Variants in PRICKLE2 observed in about 807,000 individuals in gnomAD.
PRICKLE2 encodes the protein prickle planar cell polarity protein 2.
A neutral mutation model predicts 81.4 loss-of-function variants in PRICKLE2; 21 were observed. The observed-to-expected ratio is 0.26, with a 90% CI of 0.18 to 0.37. The LOEUF (loss-of-function observed/expected upper bound fraction) is 0.37, where lower values mean the gene tolerates loss of function less well. PRICKLE2 is among the 10% of genes least tolerant of loss of function. The probability of loss-of-function intolerance (pLI) is 1.00; values close to 1 mark genes in which losing one functional copy is unlikely to be tolerated. For missense variants in PRICKLE2, 940 were observed against 1,109.0 expected (o/e 0.85, Z 2.16); for synonymous variants, 456 against 421.5 (o/e 1.08, Z -1.00).
chr3:64,256,088 A>G (rs1399091868), intron 2 of PRICKLE2, among the ~76,000 whole-genome samples: 2 of 152,166 alleles, frequency 1.3e-5, no homozygotes, highest in African/African-American at 4.8e-5. Flanking sequence ...GGCTTGACTC[A>G]TTCATGCCAC....
At chr3:64,191,242 C>T (rs1351228983) in intron 2 of PRICKLE2, among the ~76,000 whole-genome samples, 5 of 152,226 alleles carry the variant, frequency 3.3e-5, no homozygotes, top group Non-Finnish European at 7.3e-5. Context: ...CTCCCTCTTT[C>T]CCGGAAGCCA....
intron 1 of PRICKLE2, among the ~76,000 whole-genome samples, chr3:64,207,248 A>T (rs2078703145): frequency 6.6e-6 from 1 of 152,190 alleles, no homozygotes; most frequent in Non-Finnish European, 1.5e-5. Context: ...TTTCCTCCTT[A>T]TTATACTTAT....
chr3:64,253,901 C>A (rs192227524), intron 2 of PRICKLE2, among the ~76,000 whole-genome samples: 14 of 152,264 alleles, frequency 9.2e-5, no homozygotes, highest in South Asian at 4.1e-4. Context: ...AGGTGAGGGG[C>A]CTGCTGGAGC....
At chr3:64,234,862 T>C (rs1017690516) in intron 2 of PRICKLE2, among the ~76,000 whole-genome samples, 1 of 152,182 alleles carries the variant, frequency 6.6e-6, no homozygotes, top group Non-Finnish European at 1.5e-5. Flanking sequence ...TGAATCTCTT[T>C]GAGCTTACCT....
chr3:64,170,364 G>T (rs756579517), intron 2 of PRICKLE2, among the ~76,000 whole-genome samples: 5 of 152,088 alleles, frequency 3.3e-5, no homozygotes. Context: ...GTTGGATGTC[G>T]GTTCAAAACA....
At chr3:64,103,194 T>G (rs1376805330) in intron 7 of PRICKLE2, 7 of 152,232 alleles carry the variant, frequency 4.6e-5, no homozygotes, top group African/African-American at 1.7e-4. Flanking sequence ...TGGACACATT[T>G]TTGGTTGTCA....
rs1408045427 is a variant in PRICKLE2 at position 64,093,745 on chromosome 3, T to C, written c.*5306A>G. The C allele has an allele frequency of 1.3e-5, 2 of 152,210 alleles. No homozygotes were observed. Among genetic ancestry groups the C allele is most frequent in the Non-Finnish European group, 2.9e-5 (2 of 68,040 alleles). The allele number at this position is 152,210 out of a possible 1,614,324, so 9.4% of individuals were successfully genotyped here. On this transcript the variant is annotated 3_prime_UTR_variant, in exon 8 of 8. Transcript: ENST00000638394. Reference sequence around the variant, plus strand: ...ACCCTGATTTAAACAATCAGGTTAATATTTCATAGTAAAACTCATCCCTCC... The same window carrying C: ...ACCCTGATTTAAACAATCAGGTTAACATTTCATAGTAAAACTCATCCCTCC...
At chr3:64,118,052 A>G (rs2076965510) in intron 7 of PRICKLE2, among the ~76,000 whole-genome samples, 1 of 152,128 alleles carries the variant, frequency 6.6e-6, no homozygotes, top group South Asian at 2.1e-4. Flanking sequence ...AAGGCCACAC[A>G]CCTATAGCTA....
intron 2 of PRICKLE2, among the ~76,000 whole-genome samples, chr3:64,181,288 G>C (rs750094986): frequency 6.6e-6 from 1 of 152,076 alleles, no homozygotes; most frequent in Non-Finnish European, 1.5e-5. Flanking sequence ...ACAATTGTGA[G>C]AGACAAGCAC....
At chr3:64,184,939 G>C (rs1272513942) in intron 2 of PRICKLE2, among the ~76,000 whole-genome samples, 1 of 152,180 alleles carries the variant, frequency 6.6e-6, no homozygotes, top group African/African-American at 2.4e-5. Context: ...AACACACGTA[G>C]AATTGCCAAG....
chr3:64,200,143 G>C (rs2078544699), intron 1 of PRICKLE2: 2 of 152,002 alleles, frequency 1.3e-5, no homozygotes, highest in Admixed American at 1.3e-4. Flanking sequence ...CTGCCCCCAG[G>C]CTCTAACAAC....
At chr3:64,153,439 T>C (rs1470809872) in intron 5 of PRICKLE2, 71 bp from the exon 6 acceptor site, 2 of 1,473,860 alleles carry the variant, frequency 1.4e-6, no homozygotes, top group East Asian at 2.3e-5. Context: ...AAGAAAGCTA[T>C]GGGGTCCTTG....
At chr3:64,187,966 CT>C (rs1575638223) in intron 2 of PRICKLE2, among the ~76,000 whole-genome samples, 1 of 152,172 alleles carries the variant, frequency 6.6e-6, no homozygotes, top group African/African-American at 2.4e-5. Flanking sequence ...CAATGAAAGA[CT>C]TTTAAAAGCA....
intron 2 of PRICKLE2, among the ~76,000 whole-genome samples, chr3:64,264,912 T>A (rs1158584099): frequency 6.6e-6 from 1 of 152,192 alleles, no homozygotes; most frequent in African/African-American, 2.4e-5. Flanking sequence ...ACAGGCTGGC[T>A]GTTAAAAGTC....
chr3:64,245,200 C>T (rs1268163058), intron 2 of PRICKLE2, among the ~76,000 whole-genome samples: 1 of 152,132 alleles, frequency 6.6e-6, no homozygotes, highest in Non-Finnish European at 1.5e-5. Flanking sequence ...AGCTCAACTC[C>T]AATTCCTTAA....
rs550042991 is a variant in PRICKLE2 at position 64,175,308 on chromosome 3, G to A, written c.145-12179C>T. Reference sequence around the variant, plus strand: ...CTATATGTTTTGTTTTTGTAATACTGGCTAAGGTTTTTTTAAACATGGTTA... The same window carrying A: ...CTATATGTTTTGTTTTTGTAATACTAGCTAAGGTTTTTTTAAACATGGTTA... On this transcript the variant is annotated intron_variant, in intron 2 of 7. Coordinates refer to ENST00000638394, the MANE Select transcript of PRICKLE2 (RefSeq NM_198859.4). 1.5e-3 allele frequency among the ~76,000 whole-genome samples: 234 copies of A among 152,276 alleles called. 1 individual carries two copies. Among genetic ancestry groups the A allele is most frequent in the African/African-American group, 2.5e-3 (105 of 41,564 alleles).
intron 2 of PRICKLE2, among the ~76,000 whole-genome samples, chr3:64,254,543 T>C (rs1021847642): frequency 2.6e-5 from 4 of 152,204 alleles, no homozygotes; most frequent in Non-Finnish European, 5.9e-5. Context: ...TCTCACTTCC[T>C]AACTGGCCAG....
chr3:64,164,448 T>C (rs972924776), intron 2 of PRICKLE2, among the ~76,000 whole-genome samples: 1 of 152,204 alleles, frequency 6.6e-6, no homozygotes, highest in African/African-American at 2.4e-5. Context: ...AACACATGTT[T>C]TGGGAATGCT....
intron 2 of PRICKLE2, among the ~76,000 whole-genome samples, chr3:64,257,329 T>C (rs1053213562): frequency 3.3e-5 from 5 of 152,302 alleles, no homozygotes; most frequent in Admixed American, 2.6e-4. Context: ...CAGTTGGACA[T>C]GCTCTAATCT....
Sources: gnomAD v4.1 joint callset for allele counts (sites outside exome capture counted in the v4.1 genomes callset) on GRCh38, gnomAD v4.1.1 for gene constraint, MANE v1.5 for transcripts, NCBI Gene and HGNC (gene_info 2026-07-23, HGNC 2026-07-21) for gene names.